The following SPAG5 variants were observed in gnomAD, a reference collection of about 807,000 sequenced individuals.
SPAG5 encodes the protein sperm associated antigen 5.
A neutral mutation model predicts 145.4 loss-of-function variants in SPAG5; 99 were observed. That is an observed-to-expected ratio of 0.68 (90% CI 0.58 to 0.80). The LOEUF (loss-of-function observed/expected upper bound fraction) is 0.80. Among genes scored for constraint, SPAG5 ranks in the 30% least tolerant of loss-of-function variants. The probability of loss-of-function intolerance (pLI) is 0.00; values close to 1 mark genes in which losing one functional copy is unlikely to be tolerated. For missense variants in SPAG5, 1,192 were observed against 1,416.0 expected (o/e 0.84, Z 2.54); for synonymous variants, 477 against 525.4 (o/e 0.91, Z 1.26).
chr17:28,583,800 C>A (rs2070564573), intron 14 of SPAG5, 53 bp downstream of exon 14: 1 of 1,576,194 alleles, frequency 6.3e-7, no homozygotes, highest in South Asian at 1.1e-5. Context: ...TAGAAGTGTT[C>A]CTGAGAAAAA....
chr17:28,586,277 C>T, intron 5 of SPAG5, 95 bp from the exon 6 acceptor site: 1 of 1,250,610 alleles, frequency 8.0e-7, no homozygotes. Flanking sequence ...CAATTCCAAG[C>T]TCCGCATAAG....
At chr17:28,598,378 G>A (rs1034318192) in intron 2 of SPAG5, 132 bp downstream of exon 2, 3 of 1,126,416 alleles carry the variant, frequency 2.7e-6, no homozygotes, top group Non-Finnish European at 3.7e-6. Flanking sequence ...GGCCTGAATA[G>A]CTGTAAATGG....
rs2070577148 is a variant in SPAG5, at chr17:28,585,346, T to C, written c.1926A>G (p.Gln642=). Residue 642 remains glutamine, a synonymous_variant, in exon 9 of 24, where the codon CAA becomes CAG. Coordinates refer to ENST00000321765, the MANE Select transcript of SPAG5 (RefSeq NM_006461.4). ...CCAGTTGCATGGACCTCCAGTCTTG[T>C]TGCAAGGTAGAAGTAAGACTCACTG... ...QQTVSLTSTL[Q]QDWRSMQLDY... The C allele has an allele frequency of 1.9e-6, 3 of 1,614,214 alleles. No individual in the cohort carries two copies. Among genetic ancestry groups the C allele is most frequent in the Non-Finnish European group, 2.5e-6 (3 of 1,180,012 alleles).
chr17:28,585,303 G>C lies in SPAG5; in HGVS notation c.1953+16C>G, dbSNP rs536290724. On this transcript the variant is annotated intron_variant, in intron 9 of 23. Transcript: ENST00000321765. Reference sequence around the variant, plus strand: ...ATGTGAGTAAGGAATTAGTTATGATGGTCCCAAATACTCACATCCAGTTGC... The same window carrying C: ...ATGTGAGTAAGGAATTAGTTATGATCGTCCCAAATACTCACATCCAGTTGC... The C allele has an allele frequency of 6.1e-5, 99 of 1,611,768 alleles. No individual in the cohort carries two copies. The highest frequency in any genetic ancestry group is 7.9e-5 in the Non-Finnish European group (93 of 1,177,946).
intron 15 of SPAG5, 65 bp from the exon 16 acceptor site, chr17:28,580,185 C>G: frequency 9.3e-7 from 1 of 1,076,096 alleles, no homozygotes; most frequent in Non-Finnish European, 1.4e-6. Flanking sequence ...TTCCAGGTAA[C>G]TCCCAGCCAT....
intron 13 of SPAG5, 61 bp downstream of exon 13, chr17:28,584,089 T>C (rs928330361): frequency 6.2e-7 from 1 of 1,608,508 alleles, no homozygotes; most frequent in African/African-American, 1.3e-5. Context: ...CTCAACACTA[T>C]CAGGCAAGAA....
At position 28,583,930 on chromosome 17, in the gene SPAG5, T is replaced by A. The variant is rs1392140460; in HGVS notation, c.2469A>T (p.Gln823His). 12 of 1,614,032 alleles carry A rather than the reference T, an allele frequency of 7.4e-6. No homozygotes were observed. The highest frequency in any genetic ancestry group is 1.0e-5 in the Non-Finnish European group (12 of 1,180,038). The change falls in exon 14 of 24, where the codon CAA (glutamine) becomes CAT (histidine). Residue 823 changes from glutamine to histidine, a missense_variant. Gln to His is a conservative substitution (Grantham distance 24, BLOSUM62 0). Coordinates refer to ENST00000321765, the MANE Select transcript of SPAG5 (RefSeq NM_006461.4). ...AHLELGQVEC[Q>H]LKTTLEVLRE... is the part of the protein sequence containing the mutation. ...GGAGCACTTCCAGTGTGGTTTTCAA[T>A]TGACACTCAACCTGACCCAGCTCCA...
intron 4 of SPAG5, among the ~76,000 whole-genome samples, chr17:28,586,777 C>T (rs530830093): frequency 3.9e-5 from 6 of 152,226 alleles, no homozygotes; most frequent in South Asian, 2.1e-4. Flanking sequence ...AGTGATCCAC[C>T]GACTCGGCCT....
At chr17:28,585,831 C>G (rs2070581377) in intron 7 of SPAG5, 33 bp downstream of exon 7, 3 of 1,613,936 alleles carry the variant, frequency 1.9e-6, no homozygotes, top group Non-Finnish European at 2.5e-6. Flanking sequence ...GTGGAAACCT[C>G]CCACATCCAA....
Position 28,598,534 on chromosome 17 carries a change from T to C in SPAG5, c.153A>G (p.Pro51=), listed in dbSNP as rs928691594. The C allele has an allele frequency of 3.7e-6, 6 of 1,613,796 alleles. No homozygotes were observed. In the South Asian group the frequency reaches 4.4e-5, roughly 12 times the overall value. ...CCTGCAGCCCCAGCTTGCACAGTGA[T>C]GGGGTCAGCGAGGAGCAAGCGGGGG... ...KRSPACSSLT[P]SLCKLGLQEG... The change falls in exon 2 of 24, where the codon CCA becomes CCG. Residue 51 remains proline (P), a synonymous_variant. Coordinates refer to ENST00000321765, the MANE Select transcript of SPAG5 (RefSeq NM_006461.4).
intron 4 of SPAG5, among the ~76,000 whole-genome samples, chr17:28,591,136 T>C (rs2070618558): frequency 6.6e-6 from 1 of 152,174 alleles, no homozygotes; most frequent in African/African-American, 2.4e-5. Flanking sequence ...AGTCTACCAA[T>C]GCAAAAAACG....
In SPAG5 at chr17:28,592,290, T is replaced by C. The variant is rs186733290; in HGVS notation, c.954A>G (p.Gln318=). 15 of 1,614,208 alleles carry C rather than the reference T, an allele frequency of 9.3e-6. No individual in the cohort carries two copies. Among genetic ancestry groups the C allele is most frequent in the Middle Eastern group, 1.6e-4 (1 of 6,062 alleles). The part of the protein sequence containing the change: ...LTPNLVEMES[Q]EAPGPAVEDV... ...CTTCTACTGCTGGGCCTGGAGCTTCTTGGGATTCCATTTCTACTAGATTTG... is the reference window on the plus strand; with the variant it reads ...CTTCTACTGCTGGGCCTGGAGCTTCCTGGGATTCCATTTCTACTAGATTTG... Residue 318 remains glutamine, a synonymous_variant, in exon 3 of 24, where the codon CAA becomes CAG. Coordinates refer to ENST00000321765, the MANE Select transcript of SPAG5 (RefSeq NM_006461.4).
intron 15 of SPAG5, among the ~76,000 whole-genome samples, chr17:28,582,026 G>C (rs1333270765): frequency 1.3e-5 from 2 of 152,150 alleles, no homozygotes; most frequent in African/African-American, 4.8e-5. Flanking sequence ...ACATCAAATT[G>C]GTTCTACTGC....
chr17:28,594,718 G>C (rs2070648717), intron 2 of SPAG5, among the ~76,000 whole-genome samples: 1 of 152,162 alleles, frequency 6.6e-6, no homozygotes, highest in African/African-American at 2.4e-5. Context: ...TTACTGACCT[G>C]GGTATTAGTT....
chr17:28,591,830 T>C lies in SPAG5; in HGVS notation c.1305A>G (p.Glu435=). ...TGACAAGAGAGCTCAGCAGGTTATC[T>C]TCCAAGTCATGTCGAGACAAGGCAG... ...DLTALSRHDL[E]DNLLSSLVIL... The change falls in exon 4 of 24, where the codon GAA becomes GAG. Residue 435 remains glutamate (E), a synonymous_variant. Coordinates refer to ENST00000321765, the MANE Select transcript of SPAG5 (RefSeq NM_006461.4). 1 of 1,614,108 alleles carries C rather than the reference T, an allele frequency of 6.2e-7. No homozygotes were observed. Among genetic ancestry groups the C allele is most frequent in the Non-Finnish European group, 8.5e-7 (1 of 1,180,024 alleles).
chr17:28,592,373 T>G lies in SPAG5; in HGVS notation c.871A>C (p.Thr291Pro). ...CTTGAGACAAGTGCTTGATCTTCTG[T>G]TTCAGACTCCTTAGGATGTGTGGGA... Reference protein sequence around the residue: ...RFPTHPKESETEDQALVSSVE... With the variant: ...RFPTHPKESEPEDQALVSSVE... Residue 291 changes from threonine (T) to proline (P), a missense_variant, in exon 3 of 24, where the codon ACA becomes CCA. Thr to Pro is a conservative substitution (Grantham distance 38). Around this residue, in one of 5 missense-constraint regions of SPAG5, gnomAD observed 329 missense variants for 354.0 expected, o/e 0.93. Coordinates refer to ENST00000321765, the MANE Select transcript of SPAG5 (RefSeq NM_006461.4). 2.5e-6 allele frequency: 4 copies of G among 1,614,210 alleles called. No homozygotes were observed. Among genetic ancestry groups the G allele is most frequent in the Non-Finnish European group, 2.5e-6 (3 of 1,180,036 alleles).
In SPAG5 at chr17:28,578,047, A is replaced by G. The variant is rs772495754; in HGVS notation, c.3473T>C (p.Leu1158Ser). ...EENLRRSDKE[L>S]EKLDDIVQHI... ...CTGAACAATGTCATCTAGTTTTTCT[A>G]ACTCCTTGTCAGAGCGCCGAAGGTT... Residue 1158 changes from leucine to serine, a missense_variant, in exon 23 of 24, where the codon TTA (leucine) becomes TCA (serine). This residue lies in a region of SPAG5 where 709 missense variants were observed against 840.7 expected (regional missense o/e 0.84). Coordinates refer to ENST00000321765, the MANE Select transcript of SPAG5 (RefSeq NM_006461.4). 7.4e-6 allele frequency: 12 copies of G among 1,614,020 alleles called. No individual in the cohort carries two copies. Among genetic ancestry groups the G allele is most frequent in the Non-Finnish European group, 1.7e-6 (2 of 1,179,944 alleles).
Position 28,583,919 on chromosome 17 carries a change from G to A in SPAG5, c.2480C>T (p.Thr827Ile), listed in dbSNP as rs1465661487. Residue 827 changes from threonine (T) to isoleucine (I), a missense_variant, in exon 14 of 24, where the codon ACA becomes ATA. Thr to Ile is a moderately conservative substitution (Grantham distance 89). Around this residue, in one of 5 missense-constraint regions of SPAG5, gnomAD observed 709 missense variants for 840.7 expected, o/e 0.84. Coordinates refer to ENST00000321765, the MANE Select transcript of SPAG5 (RefSeq NM_006461.4). Reference protein sequence around the residue: ...LGQVECQLKTTLEVLRERSLQ... With the variant: ...LGQVECQLKTILEVLRERSLQ... Reference sequence around the variant, plus strand: ...GCTGCGCTCCCGGAGCACTTCCAGTGTGGTTTTCAATTGACACTCAACCTG... The same window carrying A: ...GCTGCGCTCCCGGAGCACTTCCAGTATGGTTTTCAATTGACACTCAACCTG... 1 of 1,614,180 alleles carries A rather than the reference G, an allele frequency of 6.2e-7. No individual in the cohort carries two copies. The highest frequency in any genetic ancestry group is 1.1e-5 in the South Asian group (1 of 91,090).
Position 28,584,806 on chromosome 17 carries a change from G to T in SPAG5, c.2068-61C>A, listed in dbSNP as rs553231705. Reference sequence around the variant, plus strand: ...TCCTGAATCAATAATCCCAGGACTTGGTCCAGCTTCTCTTTCTGGACAAGA... The same window carrying T: ...TCCTGAATCAATAATCCCAGGACTTTGTCCAGCTTCTCTTTCTGGACAAGA... On this transcript the variant is annotated intron_variant, in intron 10 of 23. Transcript: ENST00000321765. The T allele has an allele frequency of 3.0e-5, 39 of 1,288,956 alleles. No individual in the cohort carries two copies. In the South Asian group the frequency reaches 4.5e-4, roughly 15 times the overall value. The allele number at this position is 1,288,956 out of a possible 1,614,324, so 79.8% of individuals were successfully genotyped here. A position where few individuals can be genotyped will look rare whatever the true frequency, so the allele number is the denominator to read the frequency against.
Sources: allele counts gnomAD v4.1 joint callset (sites outside exome capture counted in the v4.1 genomes callset), GRCh38; gene constraint gnomAD v4.1.1; regional missense constraint gnomAD v4.1.1; transcripts MANE v1.5; gene names NCBI Gene and HGNC (gene_info 2026-07-23, HGNC 2026-07-21).